The following SPOP variants were observed in gnomAD, a reference collection of about 807,000 sequenced individuals.
The protein encoded by SPOP is speckle type BTB/POZ protein.
SPOP carries 11 observed loss-of-function variants against 45.6 expected under a neutral mutation model. The observed-to-expected ratio is 0.24, with a 90% CI of 0.15 to 0.40. The LOEUF is 0.40. SPOP is among the 10% of genes least tolerant of loss of function. SPOP has a pLI of 1.00. For missense variants in SPOP, 152 were observed against 465.6 expected (o/e 0.33, Z 6.20); for synonymous variants, 166 against 166.3 (o/e 1.00, Z 0.01).
At position 49,660,443 on chromosome 17, in the gene SPOP, C is replaced by T. The variant is rs77264320; in HGVS notation, c.-67+17490G>A. Among the ~76,000 whole-genome samples, 458 of 152,226 alleles carry T rather than the reference C, an allele frequency of 3.0e-3. 4 individuals are homozygous for T. Among genetic ancestry groups the T allele is most frequent in the Admixed American group, 0.024 (368 of 15,284 alleles). Reference sequence around the variant, plus strand: ...TTCTCTATCTATCCCTTTTTCGGGTCGTATTTTTCTCCTTGAAACTTATCA... The same window carrying T: ...TTCTCTATCTATCCCTTTTTCGGGTTGTATTTTTCTCCTTGAAACTTATCA... On this transcript the variant is annotated intron_variant, in intron 1 of 9. Coordinates refer to ENST00000504102, the MANE Select transcript of SPOP (RefSeq NM_001007228.2).
intron 1 of SPOP, among the ~76,000 whole-genome samples, chr17:49,671,808 C>A (rs536182571): frequency 6.6e-6 from 1 of 152,174 alleles, no homozygotes; most frequent in Non-Finnish European, 1.5e-5. Context: ...GAGTTTGAGG[C>A]CAGCCTGGCC....
intron 1 of SPOP, among the ~76,000 whole-genome samples, chr17:49,651,028 G>C (rs1418598534): frequency 6.6e-6 from 1 of 152,170 alleles, no homozygotes; most frequent in Non-Finnish European, 1.5e-5. Flanking sequence ...GCGGAGTTTA[G>C]AACAGTACCT....
intron 8 of SPOP, among the ~76,000 whole-genome samples, chr17:49,604,414 C>T (rs1473792955): frequency 6.6e-6 from 1 of 152,200 alleles, no homozygotes; most frequent in East Asian, 1.9e-4. Context: ...CCATCCTCCA[C>T]ATACACTCCA....
In SPOP at chr17:49,668,472, A is replaced by G. The variant is rs77015023; in HGVS notation, c.-67+9461T>C. On this transcript the variant is annotated intron_variant, in intron 1 of 9. Transcript: ENST00000504102. Reference sequence around the variant, plus strand: ...TGGTATTGACTGGAGTATATAGTACATATTGGATTATAGCACAGTTAGAAC... The same window carrying G: ...TGGTATTGACTGGAGTATATAGTACGTATTGGATTATAGCACAGTTAGAAC... 4.0e-4 allele frequency among the ~76,000 whole-genome samples: 61 copies of G among 152,306 alleles called. No individual in the cohort carries two copies. In the East Asian group the frequency reaches 0.011, roughly 27 times the overall value.
At position 49,600,069 on chromosome 17, in the gene SPOP, A is replaced by C. The variant is rs2071711455; in HGVS notation, c.*309T>G. ...TTGTTCTGCTCAGTCAGATGCAGAC[A>C]GGTGTCTCCGAAGTACCACCGCTGG... is the stretch of plus-strand genomic sequence containing the variant. On this transcript the variant is annotated 3_prime_UTR_variant, in exon 10 of 10. Coordinates refer to ENST00000504102, the MANE Select transcript of SPOP (RefSeq NM_001007228.2). The surrounding 1 kb of genome is among the most constrained non-coding windows in gnomAD (Gnocchi z 4.2). 9.1e-6 allele frequency: 3 copies of C among 329,824 alleles called. No individual in the cohort carries two copies. Among genetic ancestry groups the C allele is most frequent in the Non-Finnish European group, 5.7e-6 (1 of 176,588 alleles). The allele number at this position is 329,824 out of a possible 1,614,324, so 20.4% of individuals were successfully genotyped here. A position where few individuals can be genotyped will look rare whatever the true frequency, so the allele number is the denominator to read the frequency against.
intron 1 of SPOP, among the ~76,000 whole-genome samples, chr17:49,668,795 A>G (rs1402731957): frequency 1.4e-5 from 2 of 143,076 alleles, no homozygotes; most frequent in Non-Finnish European, 3.0e-5. Flanking sequence ...TTTTTTTGAG[A>G]CGGAGTCTCT....
At chr17:49,617,381 G>C (rs930694937) in intron 5 of SPOP, among the ~76,000 whole-genome samples, 7 of 152,126 alleles carry the variant, frequency 4.6e-5, no homozygotes, top group Non-Finnish European at 8.8e-5. Context: ...TCTTCATTCA[G>C]GCAACTGAGT....
At chr17:49,623,607 C>T (rs996840903) in intron 1 of SPOP, among the ~76,000 whole-genome samples, 1 of 152,206 alleles carries the variant, frequency 6.6e-6, no homozygotes, top group East Asian at 1.9e-4. Flanking sequence ...CTATGCTTCA[C>T]TGCAAACTTA....
chr17:49,656,451 A>C (rs1008383591), intron 1 of SPOP, among the ~76,000 whole-genome samples: 2 of 152,226 alleles, frequency 1.3e-5, no homozygotes, highest in African/African-American at 2.4e-5. Context: ...CCTCTGGGAC[A>C]TAACTCCCAT....
intron 8 of SPOP, among the ~76,000 whole-genome samples, chr17:49,605,355 G>A (rs1251694984): frequency 6.6e-6 from 1 of 152,160 alleles, no homozygotes; most frequent in Non-Finnish European, 1.5e-5. Context: ...CCAGGGCCCC[G>A]CAAATACCAA....
rs150417310 is a variant in SPOP at position 49,620,365 on chromosome 17, G to A, written c.201-980C>T. Among the ~76,000 whole-genome samples the A allele has an allele frequency of 8.3e-3, 1,255 of 151,686 alleles. 8 individuals carry two copies. The highest frequency in any genetic ancestry group is 0.012 in the Non-Finnish European group (820 of 67,936). On this transcript the variant is annotated intron_variant, in intron 3 of 9. Transcript: ENST00000504102. ...CACCTGTAATCCCTGCTTCTCTGGA[G>A]GCTGAGGCAGGAGAATCACTTTAAC... is the stretch of plus-strand genomic sequence containing the variant.
intron 1 of SPOP, among the ~76,000 whole-genome samples, chr17:49,624,319 ACGCGCGCG>A (rs551185712): frequency 3.4e-5 from 4 of 118,698 alleles, no homozygotes; most frequent in Admixed American, 9.9e-5. Context: ...ACACACACAC[ACGCGCGCG>A]CGCGCACACA....
intron 1 of SPOP, among the ~76,000 whole-genome samples, chr17:49,666,652 A>G (rs1435316713): frequency 6.6e-6 from 1 of 152,016 alleles, no homozygotes; most frequent in African/African-American, 2.4e-5. Flanking sequence ...ACAATGTAAA[A>G]CCACATCTCT....
At chr17:49,614,112 C>T (rs1459307540) in intron 5 of SPOP, among the ~76,000 whole-genome samples, 1 of 152,164 alleles carries the variant, frequency 6.6e-6, no homozygotes, top group African/African-American at 2.4e-5. Context: ...TACATTTCAT[C>T]TATACATAAA....
At chr17:49,617,089 G>A (rs1225566792) in intron 5 of SPOP, among the ~76,000 whole-genome samples, 1 of 152,184 alleles carries the variant, frequency 6.6e-6, no homozygotes, top group Non-Finnish European at 1.5e-5. Context: ...GGAATGGATT[G>A]GGAAGAGAGG....
intron 5 of SPOP, 130 bp from the exon 6 acceptor site, chr17:49,611,587 C>T: frequency 1.2e-6 from 1 of 817,314 alleles, no homozygotes; most frequent in South Asian, 1.6e-5. Context: ...CTTGAAACCA[C>T]CTCCACAAAT....
rs2143110836 is a variant in SPOP, at chr17:49,601,994, C to T, written c.851G>A (p.Arg284His). The change falls in exon 9 of 10, where the codon CGC (arginine) becomes CAC (histidine). Residue 284 changes from arginine to histidine, a missense_variant. Transcript: ENST00000504102. Reference protein sequence around the residue: ...LAAADKYALERLKVMCEDALC... With the variant: ...LAAADKYALEHLKVMCEDALC... ...GGCATCCTCACACATGACCTTTAAG[C>T]GCTCCAGGGCATACTGTAAAACACA... 1.9e-6 allele frequency: 3 copies of T among 1,614,036 alleles called. No homozygotes were observed. Among genetic ancestry groups the T allele is most frequent in the African/African-American group, 1.3e-5 (1 of 75,026 alleles).
chr17:49,647,692 G>T (rs2072783476), intron 1 of SPOP, among the ~76,000 whole-genome samples: 1 of 152,134 alleles, frequency 6.6e-6, no homozygotes, highest in South Asian at 2.1e-4. Flanking sequence ...TGTTGGCCAG[G>T]CTGGTCTCAA....
At chr17:49,655,086 CCT>C (rs765015196) in intron 1 of SPOP, among the ~76,000 whole-genome samples, 37 of 152,186 alleles carry the variant, frequency 2.4e-4, no homozygotes, top group Middle Eastern at 3.4e-3. Flanking sequence ...AACATACACC[CCT>C]GATAAGCTCT....
Sources: gnomAD v4.1 joint callset for allele counts (sites outside exome capture counted in the v4.1 genomes callset) on GRCh38, gnomAD v4.1.1 for gene constraint, Gnocchi (gnomAD v3.1) non-coding constraint, MANE v1.5 for transcripts, NCBI Gene and HGNC (gene_info 2026-07-23, HGNC 2026-07-21) for gene names.